Variants in EYS observed in about 807,000 individuals in gnomAD.
EYS encodes EGF-like photoreceptor maintenance factor.
EYS carries 250 observed loss-of-function variants against 282.1 expected under a neutral mutation model. The observed-to-expected ratio is 0.89, with a 90% CI of 0.80 to 0.98. The LOEUF (loss-of-function observed/expected upper bound fraction) is 0.98. Among genes scored for constraint, EYS ranks in the 50% least tolerant of loss-of-function variants. EYS has a pLI of 0.00. For missense variants in EYS, 4,016 were observed against 3,709.0 expected (o/e 1.08, Z -2.15); for synonymous variants, 1,355 against 1,282.9 (o/e 1.06, Z -1.20).
chr6:63,800,054 G>T (rs1375648523), intron 37 of EYS, among the ~76,000 whole-genome samples: 1 of 152,200 alleles, frequency 6.6e-6, no homozygotes, highest in African/African-American at 2.4e-5. Flanking sequence ...AATTGTGGAG[G>T]ATTGCTCAAA....
At chr6:65,440,059 T>C (rs898155958) in intron 5 of EYS, among the ~76,000 whole-genome samples, 40 of 151,636 alleles carry the variant, frequency 2.6e-4, no homozygotes, top group African/African-American at 8.5e-4. Context: ...GTGCATAGAG[T>C]TTTCAGAGAA....
chr6:64,071,345 GACTAT>G (rs1271256764), intron 32 of EYS, among the ~76,000 whole-genome samples: 2 of 151,796 alleles, frequency 1.3e-5, no homozygotes, highest in African/African-American at 4.8e-5. Flanking sequence ...CATGATTCCT[GACTAT>G]ACTAATGCAT....
chr6:64,587,740 T>TATAG (rs1766277122), intron 26 of EYS, among the ~76,000 whole-genome samples: 1 of 151,992 alleles, frequency 6.6e-6, no homozygotes, highest in Admixed American at 6.6e-5. Context: ...ATGACTACTA[T>TATAG]GGCAACATCT....
At chr6:64,439,453 C>T (rs1582753934) in intron 26 of EYS, 101 bp from the exon 27 acceptor site, 12 of 704,128 alleles carry the variant, frequency 1.7e-5, no homozygotes, top group South Asian at 8.0e-5. Flanking sequence ...ATGACTCATA[C>T]GTCTCTTTCC....
intron 8 of EYS, among the ~76,000 whole-genome samples, chr6:65,382,889 T>G (rs547553382): frequency 6.6e-6 from 1 of 152,100 alleles, no homozygotes; most frequent in Non-Finnish European, 1.5e-5. Context: ...TTAATCTCCT[T>G]TGACAACACC....
chr6:63,973,276 T>G (rs1426234574), intron 35 of EYS, among the ~76,000 whole-genome samples: 1 of 152,180 alleles, frequency 6.6e-6, no homozygotes, highest in Non-Finnish European at 1.5e-5. Context: ...TATCTCATTG[T>G]GGTTTTGAGT....
intron 5 of EYS, among the ~76,000 whole-genome samples, chr6:65,457,290 A>G (rs867218902): frequency 6.6e-6 from 1 of 151,814 alleles, no homozygotes; most frequent in Non-Finnish European, 1.5e-5. Flanking sequence ...TCAGACTCCT[A>G]TGTTTCTGTG....
rs1353300997 is a variant in EYS at position 64,081,798 on chromosome 6, T to C, written c.6571+58A>G. The C allele has an allele frequency of 1.8e-5, 23 of 1,280,914 alleles. No homozygotes were observed. In the South Asian group the frequency reaches 3.0e-4, roughly 17 times the overall value. 79.3% of individuals were successfully genotyped at this position (1,280,914 alleles called of 1,614,324 possible). A position where few individuals can be genotyped will look rare whatever the true frequency, so the allele number is the denominator to read the frequency against. On this transcript the variant is annotated intron_variant, in intron 32 of 42. Transcript: ENST00000503581. ...TTAAATGAATAAATCATTGATTCAA[T>C]AGATCAACGTTTGAGAAAGAAACAT...
At chr6:64,566,502 G>C (rs1765571409) in intron 26 of EYS, among the ~76,000 whole-genome samples, 1 of 152,110 alleles carries the variant, frequency 6.6e-6, no homozygotes, top group Non-Finnish European at 1.5e-5. Flanking sequence ...ATGCAGAATT[G>C]ATAAGAATGG....
At chr6:64,007,701 A>AT (rs552054228) in intron 33 of EYS, among the ~76,000 whole-genome samples, 91 of 152,002 alleles carry the variant, frequency 6.0e-4, no homozygotes, top group African/African-American at 2.1e-3. Flanking sequence ...TATTCATATT[A>AT]TTTTCAAAGA....
chr6:64,103,470 A>T (rs1256293993), intron 31 of EYS, among the ~76,000 whole-genome samples: 2 of 152,202 alleles, frequency 1.3e-5, no homozygotes, highest in Non-Finnish European at 2.9e-5. Flanking sequence ...TACTTATACC[A>T]GGAGAAAGAG....
chr6:64,025,744 C>A (rs971126624), intron 33 of EYS, among the ~76,000 whole-genome samples: 1 of 152,178 alleles, frequency 6.6e-6, no homozygotes, highest in Non-Finnish European at 1.5e-5. Context: ...GAAAGTGTAT[C>A]CTTCCTATTC....
chr6:65,492,006 G>A (rs1766063901), intron 4 of EYS, among the ~76,000 whole-genome samples: 1 of 152,158 alleles, frequency 6.6e-6, no homozygotes, highest in Non-Finnish European at 1.5e-5. Flanking sequence ...AACCATATCT[G>A]CCAATCTTTG....
chr6:64,474,387 C>T (rs1385956718), intron 26 of EYS, among the ~76,000 whole-genome samples: 2 of 152,122 alleles, frequency 1.3e-5, no homozygotes, highest in East Asian at 3.8e-4. Context: ...TAGGAAATAG[C>T]ACATATATTT....
At chr6:65,153,021 G>C (rs547548485) in intron 12 of EYS, among the ~76,000 whole-genome samples, 1 of 149,816 alleles carries the variant, frequency 6.7e-6, no homozygotes, top group Admixed American at 6.7e-5. Flanking sequence ...CTTGCCTCCC[G>C]TGTTCATGTC....
chr6:64,029,446 G>A (rs991099777), intron 33 of EYS, among the ~76,000 whole-genome samples: 14 of 152,342 alleles, frequency 9.2e-5, no homozygotes, highest in Non-Finnish European at 1.9e-4. Context: ...GCCAAAGGAA[G>A]TTTATGGCTA....
chr6:65,427,060 C>T (rs551813794), intron 5 of EYS, among the ~76,000 whole-genome samples: 76 of 152,076 alleles, frequency 5.0e-4, no homozygotes, highest in African/African-American at 1.8e-3. Context: ...ATAGTCTTCT[C>T]TATTATAACC....
chr6:65,353,430 A>T (rs762323742), intron 9 of EYS, 28 bp downstream of exon 9: 1 of 1,607,440 alleles, frequency 6.2e-7, no homozygotes, highest in Non-Finnish European at 8.5e-7. Context: ...ATTCAAGCAG[A>T]TTGAAAAAAA....
intron 30 of EYS, among the ~76,000 whole-genome samples, chr6:64,275,873 G>A (rs1238782057): frequency 6.6e-6 from 1 of 151,900 alleles, no homozygotes; most frequent in Non-Finnish European, 1.5e-5. Context: ...GTTGAGGCAG[G>A]AGAATTGCTT....
Sources: allele counts gnomAD v4.1 joint callset (sites outside exome capture counted in the v4.1 genomes callset), GRCh38; gene constraint gnomAD v4.1.1; transcripts MANE v1.5; gene names NCBI Gene and HGNC (gene_info 2026-07-23, HGNC 2026-07-21).